Variants in FXYD7 observed in about 807,000 individuals in gnomAD.
FXYD7 encodes FXYD domain containing ion transport regulator 7.
In FXYD7, 7 loss-of-function variants were observed where a neutral mutation model predicts 15.3. The ratio of observed to expected loss-of-function variants is 0.46; its 90% CI spans 0.26 to 0.86. The LOEUF (loss-of-function observed/expected upper bound fraction) is 0.86, where lower values mean the gene tolerates loss of function less well. Ranked by LOEUF, FXYD7 falls within the 40% of genes least tolerant of loss-of-function variation. The probability of loss-of-function intolerance (pLI) is 0.16; values close to 1 mark genes in which losing one functional copy is unlikely to be tolerated. For missense variants in FXYD7, 78 were observed against 100.6 expected, an observed-to-expected ratio of 0.78 and a Z score of 0.96; for synonymous variants, 39 against 39.3, an observed-to-expected ratio of 0.99 and a Z score of 0.03.
chr19:35,151,519 CG>C lies in FXYD7; in HGVS notation c.179+41del, dbSNP rs756667641. The stretch of plus-strand genomic sequence containing the variant: ...GTGGGCAAAGAGCGGGAGGGGGCCT[CG>C]GGGTGCCTCCCTAGCAGATGGGCAG... On this transcript the variant is annotated intron_variant, in intron 4 of 5. Coordinates refer to ENST00000270310, the MANE Select transcript of FXYD7 (RefSeq NM_022006.2). 3.1e-6 allele frequency: 5 copies of C among 1,607,522 alleles called. No individual in the cohort carries two copies. In the South Asian group the frequency reaches 5.5e-5, roughly 18 times the overall value.
chr19:35,151,565 G>T, intron 4 of FXYD7, 68 bp from the exon 5 acceptor site: 1 of 1,592,090 alleles, frequency 6.3e-7, no homozygotes, highest in East Asian at 2.2e-5. Context: ...GGCCTGCCAT[G>T]CGTTTTCCCC....
At chr19:35,148,074 A>G (rs1315577487) in intron 1 of FXYD7, among the ~76,000 whole-genome samples, 6 of 143,814 alleles carry the variant, frequency 4.2e-5, no homozygotes, top group African/African-American at 1.5e-4. Context: ...AAAGAAAGAA[A>G]GAAAGAAAGA....
At chr19:35,149,360 T>C in intron 2 of FXYD7, 1 of 305,564 alleles carries the variant, frequency 3.3e-6, no homozygotes, top group South Asian at 3.0e-5. Flanking sequence ...TCTGCAGTAA[T>C]GCTTCTCCTT....
chr19:35,144,234 C>T (rs895570867), intron 1 of FXYD7, among the ~76,000 whole-genome samples: 3 of 152,046 alleles, frequency 2.0e-5, no homozygotes, highest in Non-Finnish European at 2.9e-5. Context: ...GGGAATGGGG[C>T]GATGGGACCC....
intron 5 of FXYD7, among the ~76,000 whole-genome samples, chr19:35,153,034 T>C (rs1568407788): frequency 3.8e-5 from 2 of 52,286 alleles, no homozygotes; most frequent in Non-Finnish European, 7.1e-5. Context: ...TTCACGTTCC[T>C]TTTTTTTTTT....
At chr19:35,153,033 CTTTTTTTTTT>C (rs954084904) in intron 5 of FXYD7, among the ~76,000 whole-genome samples, 8 of 44,134 alleles carry the variant, frequency 1.8e-4, no homozygotes, top group East Asian at 1.5e-3. Flanking sequence ...TTTCACGTTC[CTTTTTTTTTT>C]TTTTTTTTTT....
In FXYD7 at chr19:35,153,879, C is replaced by T. The variant is rs1435632054; in HGVS notation, c.221-15C>T. On this transcript the variant is annotated splice_polypyrimidine_tract_variant and intron_variant, in intron 5 of 5. Transcript: ENST00000270310. ...TCCACCTTTCTAGTGGCTCACGCAC[C>T]CCCTCTCTCCCCAGCCCCTGGTGGC... 1.9e-6 allele frequency: 3 copies of T among 1,612,298 alleles called. No homozygotes were observed. The highest frequency in any genetic ancestry group is 2.5e-6 in the Non-Finnish European group (3 of 1,178,804).
At chr19:35,146,404 TG>T (rs2065289160) in intron 1 of FXYD7, among the ~76,000 whole-genome samples, 1 of 152,220 alleles carries the variant, frequency 6.6e-6, no homozygotes, top group Non-Finnish European at 1.5e-5. Flanking sequence ...CCCAAAGTGC[TG>T]GGATTACAGG....
At position 35,151,290 on chromosome 19, in the gene FXYD7, C is replaced by T; in HGVS notation, c.98C>T (p.Ala33Val). 1 of 1,610,374 alleles carries T rather than the reference C, an allele frequency of 6.2e-7. No homozygotes were observed. Among genetic ancestry groups the T allele is most frequent in the Middle Eastern group, 1.7e-4 (1 of 6,054 alleles). ...GTGCAGACTGTGGGCATGACTCTGG[C>T]AACCATCTTGTTCCTGCTGGGTATC... is the stretch of plus-strand genomic sequence containing the variant. Reference protein sequence around the residue: ...NTVQTVGMTLATILFLLGILI... With the variant: ...NTVQTVGMTLVTILFLLGILI... Residue 33 changes from alanine to valine, a missense_variant, in exon 3 of 6, where the codon GCA becomes GTA. Ala to Val is a moderately conservative substitution (Grantham distance 64). Transcript: ENST00000270310.
At chr19:35,147,947 C>T (rs1248625574) in intron 1 of FXYD7, among the ~76,000 whole-genome samples, 2 of 150,400 alleles carry the variant, frequency 1.3e-5, no homozygotes, top group South Asian at 2.1e-4. Context: ...GAGCTGAGAT[C>T]GCGCCACTGC....
intron 2 of FXYD7, among the ~76,000 whole-genome samples, chr19:35,150,143 C>T (rs1159764782): frequency 6.6e-6 from 1 of 152,178 alleles, no homozygotes; most frequent in African/African-American, 2.4e-5. Context: ...TCTTGGACTC[C>T]TGACCTCAAG....
intron 5 of FXYD7, among the ~76,000 whole-genome samples, chr19:35,152,025 G>A (rs1325761435): frequency 1.3e-5 from 2 of 149,718 alleles, no homozygotes; most frequent in African/African-American, 5.0e-5. Context: ...TGTAATCCCA[G>A]CTACTCAGGA....
At position 35,145,343 on chromosome 19, in the gene FXYD7, G is replaced by C. The variant is rs139129225; in HGVS notation, c.31+1979G>C. On this transcript the variant is annotated intron_variant, in intron 1 of 5. Coordinates refer to ENST00000270310, the MANE Select transcript of FXYD7 (RefSeq NM_022006.2). ...TAGCCCAGCCACGCCTGAGGGCCCA[G>C]GTTGCCGGGGCAGCAGGGACCAGAG... Among the ~76,000 whole-genome samples the C allele has an allele frequency of 4.3e-4, 65 of 152,338 alleles. No individual in the cohort carries two copies. The East Asian group carries it at 0.012, about 28-fold the overall frequency.
intron 1 of FXYD7, among the ~76,000 whole-genome samples, chr19:35,147,989 T>C (rs2065294261): frequency 7.5e-6 from 1 of 132,612 alleles, no homozygotes; most frequent in African/African-American, 2.9e-5. Flanking sequence ...CAAGGCCCTG[T>C]CTCAAAAAAA....
chr19:35,151,693 T>A lies in FXYD7; in HGVS notation c.220+20T>A. 1 of 1,597,754 alleles carries A rather than the reference T, an allele frequency of 6.3e-7. No homozygotes were observed. On this transcript the variant is annotated intron_variant, in intron 5 of 5. Transcript: ENST00000270310. ...CTTCAGGTGAGGGTGAGAAACTGTG[T>A]GGTTCTGGGAGAGTTTTAGGTGGGG...
chr19:35,145,886 T>TCCTG (rs903239518), intron 1 of FXYD7, among the ~76,000 whole-genome samples: 1 of 152,088 alleles, frequency 6.6e-6, no homozygotes, highest in Non-Finnish European at 1.5e-5. Flanking sequence ...CAATCTATCC[T>TCCTG]CCTGCCTCAG....
chr19:35,148,838 C>T (rs762115535), intron 2 of FXYD7, 115 bp downstream of exon 2: 28 of 921,554 alleles, frequency 3.0e-5, no homozygotes, highest in East Asian at 2.2e-4. Context: ...CCACTGGCCA[C>T]GGGACCATAT....
intron 2 of FXYD7, among the ~76,000 whole-genome samples, chr19:35,149,907 C>A (rs2065303473): frequency 1.3e-5 from 2 of 152,106 alleles, no homozygotes; most frequent in African/African-American, 4.8e-5. Context: ...CTGCAATGAA[C>A]TATGATCGTG....
At chr19:35,148,909 G>C (rs1362884676) in intron 2 of FXYD7, 186 bp downstream of exon 2, 1 of 728,488 alleles carries the variant, frequency 1.4e-6, no homozygotes, top group African/African-American at 1.7e-5. Flanking sequence ...GGGGAGTGGG[G>C]ATGCCTCACA....
Sources: gnomAD v4.1 joint callset for allele counts (sites outside exome capture counted in the v4.1 genomes callset) on GRCh38, gnomAD v4.1.1 for gene constraint, MANE v1.5 for transcripts, NCBI Gene and HGNC (gene_info 2026-07-23, HGNC 2026-07-21) for gene names.